Variants in IFIH1 observed in about 807,000 individuals in gnomAD.
IFIH1 encodes the protein interferon induced with helicase C domain 1, also known as interferon-induced helicase C domain-containing protein 1.
IFIH1 carries 125 observed loss-of-function variants against 107.4 expected under a neutral mutation model. The observed-to-expected ratio is 1.16, with a 90% CI of 1.01 to 1.35. The LOEUF is 1.35. Among genes scored for constraint, IFIH1 ranks in the 40% most tolerant of loss-of-function variants. The probability of loss-of-function intolerance (pLI) is 0.00; values close to 1 mark genes in which losing one functional copy is unlikely to be tolerated. For synonymous variants in IFIH1, 458 were observed against 413.2 expected (o/e 1.11, Z -1.31); for missense variants, 1,333 against 1,213.7 (o/e 1.10, Z -1.46).
chr2:162,312,304 C>A (rs1030226159), intron 1 of IFIH1, among the ~76,000 whole-genome samples: 1 of 152,096 alleles, frequency 6.6e-6, no homozygotes, highest in African/African-American at 2.4e-5. Context: ...AGGGATATTT[C>A]CGTCTTAGCA....
intron 3 of IFIH1, among the ~76,000 whole-genome samples, chr2:162,303,367 C>A (rs1467609585): frequency 1.3e-5 from 2 of 152,172 alleles, no homozygotes; most frequent in Admixed American, 6.5e-5. Context: ...CCACCCGCCT[C>A]GTCCTCCCAA....
Position 162,318,562 on chromosome 2 carries a change from G to T in IFIH1, c.-255C>A. 1 of 249,620 alleles carries T rather than the reference G, an allele frequency of 4.0e-6. No individual in the cohort carries two copies. The highest frequency in any genetic ancestry group is 1.4e-4 in the South Asian group (1 of 6,916). 15.5% of individuals were successfully genotyped at this position (249,620 alleles called of 1,614,324 possible). On this transcript the variant is annotated 5_prime_UTR_variant, in exon 1 of 16. Coordinates refer to ENST00000649979, the MANE Select transcript of IFIH1 (RefSeq NM_022168.4). Reference sequence around the variant, plus strand: ...GGGGCCGCGGCAGGCAGGTGCGGCCGGCAGGCGCGGCACTTTGGACTCTGC... The same window carrying T: ...GGGGCCGCGGCAGGCAGGTGCGGCCTGCAGGCGCGGCACTTTGGACTCTGC...
intron 5 of IFIH1, among the ~76,000 whole-genome samples, chr2:162,285,043 G>C (rs1324041106): frequency 6.6e-6 from 1 of 151,990 alleles, no homozygotes; most frequent in African/African-American, 2.4e-5. Context: ...TCCTACTGAA[G>C]GACACAGAGA....
At chr2:162,304,290 A>G (rs1321577928) in intron 3 of IFIH1, among the ~76,000 whole-genome samples, 1 of 152,100 alleles carries the variant, frequency 6.6e-6, no homozygotes, top group Non-Finnish European at 1.5e-5. Context: ...GTGAAACCCC[A>G]TTCTCTAAAA....
intron 5 of IFIH1, among the ~76,000 whole-genome samples, chr2:162,282,889 A>C (rs75671397): frequency 7.6e-4 from 116 of 151,992 alleles, no homozygotes; most frequent in Non-Finnish European, 1.4e-3. Flanking sequence ...AACACAATGT[A>C]ATAATGCTCA....
intron 2 of IFIH1, chr2:162,307,198 T>G (rs2105227254): frequency 5.7e-6 from 1 of 175,256 alleles, no homozygotes; most frequent in East Asian, 1.6e-4. Flanking sequence ...CGAGTAGTTC[T>G]TTGTAATGAT....
At position 162,277,451 on chromosome 2, in the gene IFIH1, C is replaced by A. The variant is rs370203250; in HGVS notation, c.2008G>T (p.Asp670Tyr). 25 of 1,609,228 alleles carry A rather than the reference C, an allele frequency of 1.6e-5. No individual in the cohort carries two copies. The Admixed American group carries it at 4.2e-4, about 27-fold the overall frequency. The change falls in exon 10 of 16, where the codon GAT becomes TAT. Residue 670 changes from aspartate (D) to tyrosine (Y), a missense_variant. Asp to Tyr is a radical substitution (Grantham distance 160). Coordinates refer to ENST00000649979, the MANE Select transcript of IFIH1 (RefSeq NM_022168.4). ...GTCATGAGAAATCTATCTGTTTCAT[C>A]CAGTTTCAAAGGTTTCTTTAAATCA... ...EDDLKKPLKL[D>Y]ETDRFLMTLF...
At chr2:162,301,232 T>A (rs1232984671) in intron 3 of IFIH1, among the ~76,000 whole-genome samples, 1 of 152,166 alleles carries the variant, frequency 6.6e-6, no homozygotes, top group African/African-American at 2.4e-5. Flanking sequence ...AATCTTCACG[T>A]GAACGAATAT....
chr2:162,296,457 C>A (rs891525004), intron 3 of IFIH1, among the ~76,000 whole-genome samples: 2 of 152,004 alleles, frequency 1.3e-5, no homozygotes, highest in East Asian at 3.9e-4. Context: ...GGTGAGAAAC[C>A]AAGGCGCTGA....
chr2:162,318,206 G>A lies in IFIH1; in HGVS notation c.102C>T (p.Tyr34=), dbSNP rs1018613688. ...TCACCTCTGCAGGCAGAAAGGTCAG[G>A]TAGTCCAGCACAGGCTCCACCTGGA... ...MYIQVEPVLD[Y]LTFLPAEVKE... Residue 34 remains tyrosine (Y), a synonymous_variant, in exon 1 of 16, where the codon TAC becomes TAT. Transcript: ENST00000649979. 1.3e-5 allele frequency: 21 copies of A among 1,614,080 alleles called. No homozygotes were observed. Among genetic ancestry groups the A allele is most frequent in the Non-Finnish European group, 1.7e-5 (20 of 1,180,030 alleles).
chr2:162,317,300 C>T (rs1373872406), intron 1 of IFIH1, among the ~76,000 whole-genome samples: 1 of 152,106 alleles, frequency 6.6e-6, no homozygotes, highest in Non-Finnish European at 1.5e-5. Flanking sequence ...GAAGACCATT[C>T]TTAGCCTGTG....
intron 1 of IFIH1, 109 bp from the exon 2 acceptor site, chr2:162,311,042 A>C: frequency 1.3e-6 from 1 of 758,956 alleles, no homozygotes; most frequent in Non-Finnish European, 2.0e-6. Context: ...GTATAAATAA[A>C]GGCTTACATT....
chr2:162,293,550 C>T lies in IFIH1; in HGVS notation c.874+14G>A, dbSNP rs1350136557. The stretch of plus-strand genomic sequence containing the variant: ...TTCACACTTTTTAAGGTTTACACAA[C>T]AGTTAGGCAGTACCTGAATCACTTC... On this transcript the variant is annotated intron_variant, in intron 4 of 15. Coordinates refer to ENST00000649979, the MANE Select transcript of IFIH1 (RefSeq NM_022168.4). 1.3e-6 allele frequency: 2 copies of T among 1,554,270 alleles called. No individual in the cohort carries two copies. Among genetic ancestry groups the T allele is most frequent in the East Asian group, 2.2e-5 (1 of 44,514 alleles).
intron 3 of IFIH1, among the ~76,000 whole-genome samples, chr2:162,305,922 T>TG (rs957951463): frequency 2.0e-5 from 3 of 152,206 alleles, no homozygotes; most frequent in African/African-American, 7.2e-5. Context: ...GATCTTATGT[T>TG]GGAAGCTTGA....
chr2:162,307,051 G>A (rs1683295314), intron 2 of IFIH1, 196 bp from the exon 3 acceptor site: 2 of 460,106 alleles, frequency 4.3e-6, no homozygotes. Flanking sequence ...ATAAATAGCT[G>A]TTATTGTTAT....
At chr2:162,294,591 C>T (rs1683052430) in intron 3 of IFIH1, among the ~76,000 whole-genome samples, 1 of 151,840 alleles carries the variant, frequency 6.6e-6, no homozygotes, top group Non-Finnish European at 1.5e-5. Flanking sequence ...AGGCTAATCC[C>T]ACTTACTTCA....
intron 13 of IFIH1, among the ~76,000 whole-genome samples, chr2:162,270,872 A>G (rs1383087375): frequency 6.6e-6 from 1 of 152,174 alleles, no homozygotes. Flanking sequence ...TTGTGCAGAA[A>G]CCTGGTCAGG....
chr2:162,298,894 C>A (rs1683144365), intron 3 of IFIH1, among the ~76,000 whole-genome samples: 1 of 152,106 alleles, frequency 6.6e-6, no homozygotes, highest in African/African-American at 2.4e-5. Context: ...CCTCCACCCA[C>A]CTTGCATATT....
chr2:162,311,468 T>C (rs1683383535), intron 1 of IFIH1, among the ~76,000 whole-genome samples: 1 of 152,148 alleles, frequency 6.6e-6, no homozygotes, highest in Non-Finnish European at 1.5e-5. Flanking sequence ...AATATTTGCA[T>C]AGTTGATTAT....
Sources: allele counts gnomAD v4.1 joint callset (sites outside exome capture counted in the v4.1 genomes callset), GRCh38; gene constraint gnomAD v4.1.1; transcripts MANE v1.5; gene names NCBI Gene and HGNC (gene_info 2026-07-23, HGNC 2026-07-21).